The following FPGS variants were observed in gnomAD, a reference collection of about 807,000 sequenced individuals.
FPGS encodes the protein folylpolyglutamate synthase.
Under a neutral mutation model 66.5 loss-of-function variants are expected in FPGS, and 53 were observed. The ratio of observed to expected loss-of-function variants is 0.80; its 90% confidence interval spans 0.64 to 1.00. FPGS has a LOEUF of 1.00. Ranked by LOEUF, FPGS falls within the 50% of genes least tolerant of loss-of-function variation. FPGS has a pLI of 0.00. For synonymous variants in FPGS, 348 were observed against 350.9 expected (o/e 0.99, Z 0.09); for missense variants, 702 against 807.7 (o/e 0.87, Z 1.59).
rs772079714 is a variant in FPGS, at chr9:127,804,580, G to T, written c.321+28G>T. The stretch of plus-strand genomic sequence containing the variant: ...GAGGGGCAGGACCCTGGGGTAGGGG[G>T]TCTATTAAGTGGCTGGTGGAGTAGA... On this transcript the variant is annotated intron_variant, in intron 3 of 14. Coordinates refer to ENST00000373247, the MANE Select transcript of FPGS (RefSeq NM_004957.6). 6.2e-6 allele frequency: 10 copies of T among 1,614,026 alleles called. No homozygotes were observed. The Admixed American group carries it at 1.7e-4, about 27-fold the overall frequency.
At chr9:127,805,018 AGCTTGGATTACAG>A in intron 4 of FPGS, among the ~76,000 whole-genome samples, 1 of 151,648 alleles carries the variant, frequency 6.6e-6, no homozygotes, top group Middle Eastern at 3.4e-3. Context: ...CCTCCCAAGT[AGCTTGGATTACAG>A]GCACCTGCCA....
rs144611973 is a variant in FPGS at position 127,804,690 on chromosome 9, G to A, written c.376G>A (p.Gly126Arg). 2 of 1,613,900 alleles carry A rather than the reference G, an allele frequency of 1.2e-6. No homozygotes were observed. The highest frequency in any genetic ancestry group is 1.3e-5 in the African/African-American group (1 of 74,866). Residue 126 changes from glycine (G) to arginine (R), a missense_variant, in exon 4 of 15, where the codon GGA becomes AGA. This residue lies in a region of FPGS where 240 missense variants were observed against 348.6 expected (regional missense o/e 0.69). Transcript: ENST00000373247. ...CILRSYGLKT[G>R]FFSSPHLVQV... is the part of the protein sequence containing the mutation. ...CCTCCGAAGCTATGGCCTGAAGACG[G>A]GATTCTTTAGGTACTGGCTTGTGGG...
intron 9 of FPGS, 54 bp from the exon 10 acceptor site, chr9:127,808,504 G>C: frequency 6.2e-7 from 1 of 1,603,474 alleles, no homozygotes; most frequent in African/African-American, 1.3e-5. Context: ...AGATGCAAGG[G>C]CTGACGTGGT....
chr9:127,810,039 A>C lies in FPGS; in HGVS notation c.1220A>C (p.Glu407Ala), dbSNP rs766998163. The C allele has an allele frequency of 1.9e-6, 3 of 1,591,168 alleles. No individual in the cohort carries two copies. In the South Asian group the frequency reaches 3.3e-5, roughly 18 times the overall value. The change falls in exon 13 of 15, where the codon GAG (glutamate) becomes GCG (alanine). Residue 407 changes from glutamate to alanine, a missense_variant. By Grantham distance (107) the Glu-to-Ala change is moderately radical (BLOSUM62 -1). Coordinates refer to ENST00000373247, the MANE Select transcript of FPGS (RefSeq NM_004957.6). The part of the protein sequence containing the change: ...QGRERPSGGP[E>A]VRVLLFNATG... ...CCTCACCTCTGTCGCAGTGGCCCCG[A>C]GGTTCGAGTCTTGCTCTTCAATGCT...
rs1446661167 is a variant in FPGS, at chr9:127,807,925, G to A, written c.744+237G>A. The A allele has an allele frequency of 2.8e-5, 16 of 568,366 alleles. No individual in the cohort carries two copies. The highest frequency in any genetic ancestry group is 2.5e-4 in the African/African-American group (13 of 53,016). 35.2% of individuals were successfully genotyped at this position (568,366 alleles called of 1,614,324 possible). On this transcript the variant is annotated intron_variant, in intron 8 of 14. Transcript: ENST00000373247. The surrounding 1 kb of genome is among the most constrained non-coding windows in gnomAD (Gnocchi z 5.8). ...GTTTGAGACCAGCCTGACCAATATG[G>A]GGAAACTCTGTCTCTACTAAAAATA...
intron 4 of FPGS, among the ~76,000 whole-genome samples, chr9:127,805,265 C>G (rs1667638959): frequency 6.6e-6 from 1 of 152,042 alleles, no homozygotes; most frequent in Non-Finnish European, 1.5e-5. Flanking sequence ...AGCAGGAGGT[C>G]CAGTGTGGTG....
rs1237054288 is a variant in FPGS at position 127,813,232 on chromosome 9, G to C, written c.1392G>C (p.Leu464=). The C allele has an allele frequency of 6.2e-7, 1 of 1,605,988 alleles. No homozygotes were observed. The highest frequency in any genetic ancestry group is 8.5e-7 in the Non-Finnish European group (1 of 1,175,790). ...TCACAGTGACACTGGACCAGGTCCT[G>C]CTCCGCTGCCTGGAACACCAGCAGC... ...QNFTVTLDQV[L]LRCLEHQQHW... The change falls in exon 15 of 15, where the codon CTG becomes CTC. Residue 464 remains leucine, a synonymous_variant. Coordinates refer to ENST00000373247, the MANE Select transcript of FPGS (RefSeq NM_004957.6).
In FPGS at chr9:127,813,189, C is replaced by A. The variant is rs368425140; in HGVS notation, c.1355-6C>A. 5.7e-6 allele frequency: 9 copies of A among 1,566,748 alleles called. No homozygotes were observed. Among genetic ancestry groups the A allele is most frequent in the Non-Finnish European group, 7.8e-6 (9 of 1,152,248 alleles). On this transcript the variant is annotated splice_region_variant and splice_polypyrimidine_tract_variant and intron_variant, in intron 14 of 14. Transcript: ENST00000373247. ...TCGCTGATAGGCCTTTCTCTGTGCC[C>A]CACAGACCAACAGAACTTCACAGTG...
chr9:127,804,712 T>TG lies in FPGS; in HGVS notation c.386+18dup, dbSNP rs760359291. 1 of 1,613,598 alleles carries TG rather than the reference T, an allele frequency of 6.2e-7. No homozygotes were observed. Among genetic ancestry groups the TG allele is most frequent in the South Asian group, 1.1e-5 (1 of 91,056 alleles). ...ACGGGATTCTTTAGGTACTGGCTTG[T>TG]GGGGGGATGTGGTGTCTGTGTCCCA... On this transcript the variant is annotated intron_variant, in intron 4 of 14. Transcript: ENST00000373247.
At chr9:127,804,855 C>G (rs1487728176) in intron 4 of FPGS, 155 bp downstream of exon 4, 2 of 709,854 alleles carry the variant, frequency 2.8e-6, no homozygotes, top group Non-Finnish European at 4.9e-6. Flanking sequence ...TCAGTTAGCA[C>G]TTACCATATT....
At chr9:127,803,955 AC>A (rs1243003339) in intron 1 of FPGS, among the ~76,000 whole-genome samples, 1 of 152,098 alleles carries the variant, frequency 6.6e-6, no homozygotes, top group African/African-American at 2.4e-5. Flanking sequence ...ATAGCAATGG[AC>A]CCCATTGGAG....
At chr9:127,804,445 A>G (rs1321965318) in intron 2 of FPGS, 32 bp downstream of exon 2, 1 of 1,613,696 alleles carries the variant, frequency 6.2e-7, no homozygotes. Context: ...ACCACCTCCC[A>G]CCCCCATTTG....
Position 127,809,819 on chromosome 9 carries a change from G to C in FPGS, c.1196G>C (p.Arg399Pro). The change falls in exon 12 of 15, where the codon CGC (arginine) becomes CCC (proline). Residue 399 changes from arginine (R) to proline (P), a missense_variant. Coordinates refer to ENST00000373247, the MANE Select transcript of FPGS (RefSeq NM_004957.6). The part of the protein sequence containing the change: ...VRWFRQALQG[R>P]ERPSGGPEVR... ...TGGTTCCGCCAGGCGCTGCAGGGCC[G>C]CGAGAGGCCGAGCGGGTGAGGGGCA... is the stretch of plus-strand genomic sequence containing the variant. 1 of 1,462,702 alleles carries C rather than the reference G, an allele frequency of 6.8e-7. No individual in the cohort carries two copies. The highest frequency in any genetic ancestry group is 8.9e-7 in the Non-Finnish European group (1 of 1,118,238). The allele number at this position is 1,462,702 out of a possible 1,614,324, so 90.6% of individuals were successfully genotyped here.
chr9:127,807,360 T>C lies in FPGS; in HGVS notation c.580-61T>C. 6.2e-7 allele frequency: 1 copy of C among 1,612,318 alleles called. No homozygotes were observed. Among genetic ancestry groups the C allele is most frequent in the Non-Finnish European group, 8.5e-7 (1 of 1,178,534 alleles). ...AACCTCAGCAGGCCTGGGGGCTCCC[T>C]GCTTCCATGCGGCCTCTGGGCACCC... On this transcript the variant is annotated intron_variant, in intron 6 of 14. Transcript: ENST00000373247. This position sits in a 1 kb window ranked among gnomAD's most constrained non-coding sequence, Gnocchi z 5.8.
chr9:127,808,513 G>A (rs139705653), intron 9 of FPGS, 45 bp from the exon 10 acceptor site: 20,080 of 1,608,260 alleles, frequency 0.012, 164 homozygotes, highest in Non-Finnish European at 0.016. Context: ...GGCTGACGTG[G>A]TCAGGGAGGG....
At chr9:127,810,154 G>A in intron 13 of FPGS, 48 bp downstream of exon 13, 1 of 1,537,756 alleles carries the variant, frequency 6.5e-7, no homozygotes. Context: ...TGAAGCCCTG[G>A]GTCTGGCGGT....
chr9:127,810,332 G>A (rs924467914), intron 13 of FPGS, among the ~76,000 whole-genome samples: 3 of 152,278 alleles, frequency 2.0e-5, no homozygotes, highest in African/African-American at 7.2e-5. Flanking sequence ...CTTAAGAGGA[G>A]GGCCAGATCG....
At chr9:127,814,148 G>A, downstream of FPGS, 1 of 986,028 alleles carries the variant, frequency 1.0e-6, no homozygotes, top group Non-Finnish European at 1.2e-6. Flanking sequence ...GACCTGCACT[G>A]TGTAGAGGGA....
chr9:127,813,289 C>A lies in FPGS; in HGVS notation c.1449C>A (p.Ser483Arg). Residue 483 changes from serine (S) to arginine (R), a missense_variant, in exon 15 of 15, where the codon AGC (serine) becomes AGA (arginine). Transcript: ENST00000373247. ...HWNHLDEEQA[S>R]PDLWSAPSPE... ...ACCACCTGGACGAAGAGCAGGCCAG[C>A]CCGGACCTCTGGAGTGCCCCCAGCC... The A allele has an allele frequency of 6.2e-7, 1 of 1,613,144 alleles. No homozygotes were observed. Among genetic ancestry groups the A allele is most frequent in the Non-Finnish European group, 8.5e-7 (1 of 1,179,964 alleles).
Sources: gnomAD v4.1 joint callset for allele counts (sites outside exome capture counted in the v4.1 genomes callset) on GRCh38, gnomAD v4.1.1 for gene constraint, gnomAD v4.1.1 regional missense constraint, Gnocchi (gnomAD v3.1) non-coding constraint, MANE v1.5 for transcripts, NCBI Gene and HGNC (gene_info 2026-07-23, HGNC 2026-07-21) for gene names.